The following ERI1 variants were observed in gnomAD, a reference collection of about 807,000 sequenced individuals.
ERI1 encodes the protein 3'-5' exoribonuclease 1.
ERI1 carries 39 observed loss-of-function variants against 39.7 expected under a neutral mutation model. The observed-to-expected ratio is 0.98, with a 90% CI of 0.76 to 1.28. ERI1 has a LOEUF of 1.28. Ranked by LOEUF, ERI1 falls within the 50% of genes most tolerant of loss-of-function variation. The pLI, the probability that ERI1 is intolerant of heterozygous loss-of-function variation, is 0.00. For missense variants in ERI1, 581 were observed against 416.9 expected (o/e 1.39, Z -3.43); for synonymous variants, 204 against 149.6 (o/e 1.36, Z -2.65).
chr8:9,056,379 C>T lies in ERI1; in HGVS notation n.299+35915C>T, dbSNP rs533238304. ...ACAGCATCATATTAGGACTTGCCCA[C>T]GTTGTTAAACTATTAGTGAGTCCCT... On this transcript the variant is annotated intron_variant and non_coding_transcript_variant, in intron 3 of 3. Transcript: ENST00000518663. Among the ~76,000 whole-genome samples the T allele has an allele frequency of 3.9e-5, 6 of 152,304 alleles. No homozygotes were observed. The South Asian group carries it at 1.2e-3, about 32-fold the overall frequency.
chr8:9,030,153 T>A lies in ERI1; in HGVS notation c.*119T>A. 1 of 1,302,470 alleles carries A rather than the reference T, an allele frequency of 7.7e-7. No homozygotes were observed. Among genetic ancestry groups the A allele is most frequent in the Non-Finnish European group, 1.0e-6 (1 of 953,878 alleles). The allele number at this position is 1,302,470 out of a possible 1,614,324, so 80.7% of individuals were successfully genotyped here. A position where few individuals can be genotyped will look rare whatever the true frequency, so the allele number is the denominator to read the frequency against. On this transcript the variant is annotated 3_prime_UTR_variant, in exon 7 of 7. Coordinates refer to ENST00000250263, the MANE Select transcript of ERI1 (RefSeq NM_153332.4). Reference sequence around the variant, plus strand: ...GCACCTTAAAACATTTAAAATCTTATTACAGGTGATAGAGATAGATACATG... The same window carrying A: ...GCACCTTAAAACATTTAAAATCTTAATACAGGTGATAGAGATAGATACATG...
At position 9,064,423 on chromosome 8, in the gene ERI1, A is replaced by T. The variant is rs181393949; in HGVS notation, n.299+43959A>T. Among the ~76,000 whole-genome samples the T allele has an allele frequency of 3.4e-3, 522 of 152,294 alleles. 3 individuals carry two copies. Among genetic ancestry groups the T allele is most frequent in the African/African-American group, 0.012 (496 of 41,570 alleles). ...GGTGAATTATCAGAGAGGCGTCCCTACAATGATTAAACACCAAGGGAAGGC... is the reference window on the plus strand; with the variant it reads ...GGTGAATTATCAGAGAGGCGTCCCTTCAATGATTAAACACCAAGGGAAGGC... On this transcript the variant is annotated intron_variant and non_coding_transcript_variant, in intron 3 of 3. Transcript: ENST00000518663.
intron 3 of ERI1, chr8:9,091,469 T>C (rs10081437): frequency 0.52 from 79,305 of 151,228 alleles, 23,137 homozygotes; most frequent in African/African-American, 0.77. Context: ...GGTTGCATCA[T>C]AGCACTCTAG....
chr8:9,043,980 A>G (rs781666352), intron 3 of ERI1, among the ~76,000 whole-genome samples: 1 of 152,240 alleles, frequency 6.6e-6, no homozygotes, highest in South Asian at 2.1e-4. Flanking sequence ...GTTTAAGGCT[A>G]TAAGAGATTG....
At position 9,029,650 on chromosome 8, in the gene ERI1, A is replaced by G; in HGVS notation, c.808-142A>G. ...CTGGCCTGAATTTTTTATTTGCCTT[A>G]TTTGAGTGGGGGTATTGCCCTTTGC... On this transcript the variant is annotated intron_variant, in intron 6 of 6. Coordinates refer to ENST00000250263, the MANE Select transcript of ERI1 (RefSeq NM_153332.4). The G allele has an allele frequency of 2.9e-6, 3 of 1,019,688 alleles. No individual in the cohort carries two copies. In the East Asian group the frequency reaches 7.8e-5, roughly 26 times the overall value. 63.2% of individuals were successfully genotyped at this position (1,019,688 alleles called of 1,614,324 possible).
intron 3 of ERI1, among the ~76,000 whole-genome samples, chr8:9,073,211 A>G (rs1331835391): frequency 1.3e-5 from 2 of 152,250 alleles, no homozygotes; most frequent in African/African-American, 4.8e-5. Context: ...CAGTGAATCA[A>G]CATTATTTAT....
chr8:9,036,331 A>T (rs934487803), downstream of ERI1, among the ~76,000 whole-genome samples: 2 of 152,186 alleles, frequency 1.3e-5, no homozygotes, highest in Non-Finnish European at 2.9e-5. Context: ...ATTTTGAGAA[A>T]CTGCCACAGC....
At chr8:9,058,265 T>C (rs1398013260) in intron 3 of ERI1, among the ~76,000 whole-genome samples, 1 of 152,110 alleles carries the variant, frequency 6.6e-6, no homozygotes, top group Non-Finnish European at 1.5e-5. Flanking sequence ...ATGGAGTGAA[T>C]GTGCGCTGAG....
chr8:9,014,315 G>A (rs188881359), intron 3 of ERI1, among the ~76,000 whole-genome samples: 15 of 152,184 alleles, frequency 9.9e-5, no homozygotes, highest in East Asian at 9.7e-4. Context: ...CCTCCCTCCC[G>A]TTTTTCCTTC....
rs991219048 is a variant in ERI1, at chr8:9,031,501, A to T, written c.*1467A>T. 18 of 152,244 alleles carry T rather than the reference A, an allele frequency of 1.2e-4. No homozygotes were observed. The highest frequency in any genetic ancestry group is 4.1e-4 in the African/African-American group (17 of 41,474). 9.4% of individuals were successfully genotyped at this position (152,244 alleles called of 1,614,324 possible). ...CTTTAAGTTTATACAGTTAACTCTT[A>T]GGATAAGAGGGATGTATGCTGAGAT... On this transcript the variant is annotated 3_prime_UTR_variant, in exon 7 of 7. Coordinates refer to ENST00000250263, the MANE Select transcript of ERI1 (RefSeq NM_153332.4).
At chr8:9,062,850 C>A (rs1448733259) in intron 3 of ERI1, 2 of 151,844 alleles carry the variant, frequency 1.3e-5, no homozygotes, top group African/African-American at 4.8e-5. Context: ...GGAGGAATCC[C>A]GGGCTGTGGG....
chr8:9,026,562 C>T (rs1012678265), intron 6 of ERI1, among the ~76,000 whole-genome samples: 5 of 152,136 alleles, frequency 3.3e-5, no homozygotes, highest in Admixed American at 2.0e-4. Flanking sequence ...TGTCAGAATT[C>T]TACCTTTCTG....
intron 3 of ERI1, among the ~76,000 whole-genome samples, chr8:9,041,790 A>G (rs1798028682): frequency 6.6e-6 from 1 of 152,228 alleles, no homozygotes; most frequent in Non-Finnish European, 1.5e-5. Context: ...GCTGAAGTGC[A>G]GTGGCGTGAT....
chr8:9,082,912 T>G (rs889642615), intron 3 of ERI1, among the ~76,000 whole-genome samples: 1 of 152,218 alleles, frequency 6.6e-6, no homozygotes, highest in Non-Finnish European at 1.5e-5. Context: ...TCCTAAATTT[T>G]GTAAGTCATA....
intron 3 of ERI1, among the ~76,000 whole-genome samples, chr8:9,079,782 C>T (rs1424798173): frequency 2.0e-5 from 3 of 152,100 alleles, no homozygotes; most frequent in Non-Finnish European, 4.4e-5. Flanking sequence ...ATGATCCTCC[C>T]ACCTCAGCCT....
At chr8:9,074,009 C>G (rs1022953928) in intron 3 of ERI1, among the ~76,000 whole-genome samples, 5 of 152,166 alleles carry the variant, frequency 3.3e-5, no homozygotes, top group Non-Finnish European at 7.3e-5. Flanking sequence ...TGGTCTTGAA[C>G]TCGCAGGCTC....
At chr8:9,082,819 C>T (rs1404614409) in intron 3 of ERI1, among the ~76,000 whole-genome samples, 3 of 152,026 alleles carry the variant, frequency 2.0e-5, no homozygotes, top group Non-Finnish European at 2.9e-5. Context: ...CCCGAAGAGT[C>T]ATAATAGCAA....
At chr8:9,012,127 G>T (rs1469151870) in intron 3 of ERI1, among the ~76,000 whole-genome samples, 1 of 152,072 alleles carries the variant, frequency 6.6e-6, no homozygotes, top group Non-Finnish European at 1.5e-5. Flanking sequence ...GCATTTTTTT[G>T]AAGCTTTTCA....
intron 3 of ERI1, among the ~76,000 whole-genome samples, chr8:9,053,944 C>A (rs1248075616): frequency 6.6e-6 from 1 of 152,166 alleles, no homozygotes; most frequent in Non-Finnish European, 1.5e-5. Flanking sequence ...TGGTGGTTTT[C>A]AACAGGTTGT....
Sources: allele counts gnomAD v4.1 joint callset (sites outside exome capture counted in the v4.1 genomes callset), GRCh38; gene constraint gnomAD v4.1.1; transcripts MANE v1.5; gene names NCBI Gene and HGNC (gene_info 2026-07-23, HGNC 2026-07-21).